The following PLK4 variants were observed in gnomAD, a reference collection of about 807,000 sequenced individuals.
The protein encoded by PLK4 is serine/threonine-protein kinase PLK4.
Under a neutral mutation model 103.0 loss-of-function variants are expected in PLK4, and 51 were observed. The ratio of observed to expected loss-of-function variants is 0.50; its 90% CI spans 0.40 to 0.63. The LOEUF is 0.63. PLK4 is among the 20% of genes least tolerant of loss of function. The probability of loss-of-function intolerance (pLI) is 0.00; values close to 1 mark genes in which losing one functional copy is unlikely to be tolerated. For synonymous variants in PLK4, 389 were observed against 376.8 expected (o/e 1.03, Z -0.38); for missense variants, 1,054 against 1,151.0 (o/e 0.92, Z 1.22).
chr4:127,892,450 A>G lies in PLK4; in HGVS notation c.2124A>G (p.Arg708=). The change falls in exon 10 of 16, where the codon AGA becomes AGG. Residue 708 remains arginine (R), a synonymous_variant. Coordinates refer to ENST00000270861, the MANE Select transcript of PLK4 (RefSeq NM_014264.5). ...CTCCCAAAATCACTTATTTTACAAGATATGCTAAATGCATTTTGATGGAGA... is the reference window on the plus strand; with the variant it reads ...CTCCCAAAATCACTTATTTTACAAGGTATGCTAAATGCATTTTGATGGAGA... ...SKSPKITYFT[R]YAKCILMENS... 1 of 1,598,406 alleles carries G rather than the reference A, an allele frequency of 6.3e-7. No individual in the cohort carries two copies. Among genetic ancestry groups the G allele is most frequent in the Non-Finnish European group, 8.5e-7 (1 of 1,172,858 alleles).
intron 14 of PLK4, among the ~76,000 whole-genome samples, chr4:127,896,595 C>T (rs1009666295): frequency 1.3e-5 from 2 of 151,834 alleles, no homozygotes; most frequent in Admixed American, 6.6e-5. Context: ...CTGAAAAAGA[C>T]ATGAATATTC....
At position 127,899,202 on chromosome 4, in the gene PLK4, A is replaced by G. The variant is rs1157969224; in HGVS notation, c.*661A>G. The stretch of plus-strand genomic sequence containing the variant: ...TATTAATTTTGCAAATGTTAAATAC[A>G]TTGTTTCTCTATTATCTGAAAATCT... On this transcript the variant is annotated 3_prime_UTR_variant, in exon 16 of 16. Coordinates refer to ENST00000270861, the MANE Select transcript of PLK4 (RefSeq NM_014264.5). 1 of 152,130 alleles carries G rather than the reference A, an allele frequency of 6.6e-6. No individual in the cohort carries two copies. Among genetic ancestry groups the G allele is most frequent in the Non-Finnish European group, 1.5e-5 (1 of 68,032 alleles). 9.4% of individuals were successfully genotyped at this position (152,130 alleles called of 1,614,324 possible).
chr4:127,889,596 TA>T (rs775858872), intron 6 of PLK4, among the ~76,000 whole-genome samples: 1 of 152,330 alleles, frequency 6.6e-6, no homozygotes, highest in Admixed American at 6.5e-5. Flanking sequence ...GTTTTTGCCT[TA>T]ATTGAAAAAT....
In PLK4 at chr4:127,885,352, G is replaced by A. The variant is rs552548916; in HGVS notation, c.338-356G>A. On this transcript the variant is annotated intron_variant, in intron 4 of 15. Coordinates refer to ENST00000270861, the MANE Select transcript of PLK4 (RefSeq NM_014264.5). ...AAATTAGCCAGGCACGGTGGCGGGC[G>A]CCTGTAGTCCCAGCTACTCGGGAGG... is the stretch of plus-strand genomic sequence containing the variant. 1.4e-3 allele frequency among the ~76,000 whole-genome samples: 210 copies of A among 151,082 alleles called. 1 individual carries two copies. The highest frequency in any genetic ancestry group is 4.6e-3 in the African/African-American group (190 of 41,132).
intron 2 of PLK4, among the ~76,000 whole-genome samples, chr4:127,882,823 G>A (rs182911411): frequency 4.6e-5 from 7 of 152,220 alleles, no homozygotes; most frequent in Admixed American, 4.6e-4. Context: ...AGGAGGCTGA[G>A]GTGGGAGGAT....
At position 127,885,950 on chromosome 4, in the gene PLK4, G is replaced by A. The variant is rs771165941; in HGVS notation, c.580G>A (p.Val194Ile). 7 of 1,614,168 alleles carry A rather than the reference G, an allele frequency of 4.3e-6. No homozygotes were observed. Among genetic ancestry groups the A allele is most frequent in the East Asian group, 2.2e-5 (1 of 44,890 alleles). The change falls in exon 5 of 16, where the codon GTT (valine) becomes ATT (isoleucine). Residue 194 changes from valine to isoleucine, a missense_variant. Val to Ile is a conservative substitution (Grantham distance 29). Coordinates refer to ENST00000270861, the MANE Select transcript of PLK4 (RefSeq NM_014264.5). ...AAGTGCACATGGCCTTGAATCTGATGTTTGGTCCCTGGGCTGTATGTTTTA... is the reference window on the plus strand; with the variant it reads ...AAGTGCACATGGCCTTGAATCTGATATTTGGTCCCTGGGCTGTATGTTTTA... ...TRSAHGLESD[V>I]WSLGCMFYTL...
chr4:127,890,034 T>G lies in PLK4; in HGVS notation c.1628T>G (p.Met543Arg). ...CATTCTGTAAAACAGCAAAATACCA[T>G]GAAATATATGACTGCACTTCACAGT... ...NAHSVKQQNTMKYMTALHSKP... is the reference protein window; with the variant it reads ...NAHSVKQQNTRKYMTALHSKP... The change falls in exon 7 of 16, where the codon ATG becomes AGG. Residue 543 changes from methionine to arginine, a missense_variant. Physicochemically the swap from Met to Arg is moderately conservative, Grantham distance 91 (BLOSUM62 -1). Coordinates refer to ENST00000270861, the MANE Select transcript of PLK4 (RefSeq NM_014264.5). 1 of 1,613,798 alleles carries G rather than the reference T, an allele frequency of 6.2e-7. No individual in the cohort carries two copies. The highest frequency in any genetic ancestry group is 8.5e-7 in the Non-Finnish European group (1 of 1,179,724).
At chr4:127,883,646 A>G (rs568747479) in intron 4 of PLK4, 93 bp downstream of exon 4, 4 of 595,716 alleles carry the variant, frequency 6.7e-6, no homozygotes, top group African/African-American at 1.9e-5. Flanking sequence ...ATTTTATAAT[A>G]TATAGTAAAA....
chr4:127,886,105 A>G lies in PLK4; in HGVS notation c.735A>G (p.Leu245=). The G allele has an allele frequency of 1.9e-6, 3 of 1,614,236 alleles. No homozygotes were observed. Among genetic ancestry groups the G allele is most frequent in the Non-Finnish European group, 2.5e-6 (3 of 1,180,028 alleles). ...SIEAKDLIHQ[L]LRRNPADRLS... is the part of the protein sequence containing the mutation. ...AGGCCAAGGACCTTATTCACCAGTT[A>G]CTTCGTAGAAATCCAGCAGATCGTT... The change falls in exon 5 of 16, where the codon TTA becomes TTG. Residue 245 remains leucine, a synonymous_variant. Transcript: ENST00000270861.
At chr4:127,888,849 T>G (rs1256767265) in intron 6 of PLK4, among the ~76,000 whole-genome samples, 1 of 152,190 alleles carries the variant, frequency 6.6e-6, no homozygotes, top group Admixed American at 6.5e-5. Context: ...CAGAGAGTTG[T>G]ATGTTATCTT....
In PLK4 at chr4:127,898,684, C is replaced by CCTG; in HGVS notation, c.*143_*144insCTG. ...TAACCTATAATGTAAAGGATGTATT[C>CCTG]TGAGAGAACAAAGCAGAATGAAACT... is the stretch of plus-strand genomic sequence containing the variant. On this transcript the variant is annotated 3_prime_UTR_variant, in exon 16 of 16. Transcript: ENST00000270861. The CCTG allele has an allele frequency of 1.8e-6, 1 of 559,436 alleles. No homozygotes were observed. Among genetic ancestry groups the CCTG allele is most frequent in the Non-Finnish European group, 3.1e-6 (1 of 317,986 alleles). 34.7% of individuals were successfully genotyped at this position (559,436 alleles called of 1,614,324 possible).
At chr4:127,893,237 TA>T (rs745391413) in intron 10 of PLK4, 47 bp from the exon 11 acceptor site, 30 of 1,185,746 alleles carry the variant, frequency 2.5e-5, no homozygotes, top group South Asian at 6.1e-5. Flanking sequence ...AATCTAGGAA[TA>T]TTTTTAAAAA....
chr4:127,888,214 C>CAAAAAAAAAAAAAAA (rs1304799289), intron 6 of PLK4, among the ~76,000 whole-genome samples: 1 of 38,856 alleles, frequency 2.6e-5, no homozygotes. Context: ...AAAAAAAAAG[C>CAAAAAAAAAAAAAAA]ATTTTCAGTA....
intron 11 of PLK4, 41 bp from the exon 12 acceptor site, chr4:127,893,472 A>G (rs1735442609): frequency 6.2e-7 from 1 of 1,601,464 alleles, no homozygotes; most frequent in African/African-American, 1.3e-5. Flanking sequence ...TGCAAATGAC[A>G]TAGGTGAAAC....
At chr4:127,892,754 G>GT (rs1000580128) in intron 10 of PLK4, 8 of 337,838 alleles carry the variant, frequency 2.4e-5, no homozygotes, top group Non-Finnish European at 4.3e-5. Context: ...CTTAGCTCCA[G>GT]TTTAACTACG....
At chr4:127,888,810 A>T (rs373743695) in intron 6 of PLK4, among the ~76,000 whole-genome samples, 1 of 152,318 alleles carries the variant, frequency 6.6e-6, no homozygotes, top group African/African-American at 2.4e-5. Context: ...CTCATAGACA[A>T]AAAGCAAATA....
rs1229111486 is a variant in PLK4 at position 127,886,338 on chromosome 4, C to A, written c.968C>A (p.Thr323Asn). Reference protein sequence around the residue: ...LIGQPLPNKMTVFPKNKSSTD... With the variant: ...LIGQPLPNKMNVFPKNKSSTD... ...GGTCAGCCACTCCCAAATAAAATGA[C>A]TGTATTTCCAAAGAATAAAAGTTCA... The change falls in exon 5 of 16, where the codon ACT becomes AAT. Residue 323 changes from threonine to asparagine, a missense_variant. Physicochemically the swap from Thr to Asn is moderately conservative, Grantham distance 65. This residue lies in a region of PLK4 where 680 missense variants were observed against 660.3 expected (regional missense o/e 1.03). Transcript: ENST00000270861. 1 of 1,613,602 alleles carries A rather than the reference C, an allele frequency of 6.2e-7. No individual in the cohort carries two copies. The highest frequency in any genetic ancestry group is 1.7e-5 in the Admixed American group (1 of 59,890).
At position 127,880,949 on chromosome 4, in the gene PLK4, A is replaced by G. The variant is rs1734891099; in HGVS notation, c.-186A>G. 1.6e-6 allele frequency: 1 copy of G among 623,310 alleles called. No homozygotes were observed. The highest frequency in any genetic ancestry group is 2.9e-5 in the Admixed American group (1 of 34,074). 38.6% of individuals were successfully genotyped at this position (623,310 alleles called of 1,614,324 possible). On this transcript the variant is annotated 5_prime_UTR_variant, in exon 1 of 16. Transcript: ENST00000270861. Reference sequence around the variant, plus strand: ...GGAGATTTTCAAAATGGGAGCCCAGAGGCACCGCCCAGGCCTCGGAAGGTG... The same window carrying G: ...GGAGATTTTCAAAATGGGAGCCCAGGGGCACCGCCCAGGCCTCGGAAGGTG...
chr4:127,890,407 C>T (rs1239687421), intron 7 of PLK4, among the ~76,000 whole-genome samples, 171 bp downstream of exon 7: 1 of 151,914 alleles, frequency 6.6e-6, no homozygotes, highest in African/African-American at 2.4e-5. Context: ...GCTCTTATTT[C>T]CCTCTATCTT....
Sources: allele counts gnomAD v4.1 joint callset (sites outside exome capture counted in the v4.1 genomes callset), GRCh38; gene constraint gnomAD v4.1.1; regional missense constraint gnomAD v4.1.1; transcripts MANE v1.5; gene names NCBI Gene and HGNC (gene_info 2026-07-23, HGNC 2026-07-21).